The following FHIP1A variants were observed in gnomAD, a reference collection of about 807,000 sequenced individuals.
The protein encoded by FHIP1A is FHF complex subunit HOOK interacting protein 1A, also known as FHF complex subunit HOOK-interacting protein 1A.
FHIP1A carries 61 observed loss-of-function variants against 88.6 expected under a neutral mutation model. The ratio of observed to expected loss-of-function variants is 0.69; its 90% confidence interval spans 0.56 to 0.85. The LOEUF is 0.85. Ranked by LOEUF, FHIP1A falls within the 40% of genes least tolerant of loss-of-function variation. The probability of loss-of-function intolerance (pLI) is 0.00; values close to 1 mark genes in which losing one functional copy is unlikely to be tolerated. For synonymous variants in FHIP1A, 478 were observed against 496.0 expected (o/e 0.96, Z 0.48); for missense variants, 1,154 against 1,273.5 (o/e 0.91, Z 1.43).
intron 3 of FHIP1A, among the ~76,000 whole-genome samples, chr4:151,558,847 A>G (rs929528311): frequency 6.6e-6 from 1 of 152,204 alleles, no homozygotes; most frequent in Admixed American, 6.5e-5. Flanking sequence ...ACAAATTCCT[A>G]GAGCTAGTCA....
chr4:151,490,898 C>T (rs1447207947), intron 3 of FHIP1A, among the ~76,000 whole-genome samples: 2 of 151,968 alleles, frequency 1.3e-5, no homozygotes, highest in Non-Finnish European at 2.9e-5. Context: ...GAAAGAACTT[C>T]AGACCTTGAA....
intron 1 of FHIP1A, 114 bp downstream of exon 1, chr4:151,409,579 G>C (rs1228618833): frequency 2.0e-5 from 3 of 152,748 alleles, no homozygotes; most frequent in African/African-American, 7.2e-5. Flanking sequence ...CTGGGCAGGG[G>C]GTGCGGGCAT....
At chr4:151,521,290 G>C (rs771459145) in intron 3 of FHIP1A, among the ~76,000 whole-genome samples, 11 of 152,078 alleles carry the variant, frequency 7.2e-5, no homozygotes, top group Non-Finnish European at 1.2e-4. Context: ...GGGGAAGGTG[G>C]ATTTTAAGGG....
chr4:151,426,795 A>T (rs1452056498), intron 1 of FHIP1A, among the ~76,000 whole-genome samples: 1 of 152,160 alleles, frequency 6.6e-6, no homozygotes, highest in Non-Finnish European at 1.5e-5. Flanking sequence ...TTGTTTAGGT[A>T]GCCTTACGGT....
At chr4:151,425,612 AGCT>A (rs764610294) in intron 1 of FHIP1A, among the ~76,000 whole-genome samples, 87 of 152,210 alleles carry the variant, frequency 5.7e-4, no homozygotes, top group Non-Finnish European at 1.2e-3. Context: ...AGTTTCTTAC[AGCT>A]GCTATCACAC....
intron 3 of FHIP1A, among the ~76,000 whole-genome samples, chr4:151,496,488 A>T (rs1730465447): frequency 6.6e-6 from 1 of 151,958 alleles, no homozygotes; most frequent in Non-Finnish European, 1.5e-5. Flanking sequence ...AAGAAAGATA[A>T]TGTGTCCCAC....
intron 3 of FHIP1A, among the ~76,000 whole-genome samples, chr4:151,498,291 G>A (rs1730532492): frequency 6.6e-6 from 1 of 152,156 alleles, no homozygotes; most frequent in African/African-American, 2.4e-5. Context: ...ATGAATTCAG[G>A]GACTACCTCT....
rs1729792372 is a variant in FHIP1A, at chr4:151,478,591, A to AGGTATGT, written c.-247-3933_-247-3932insGGTATGT. ...TGAAGTATGTTTCTTGGAGGTTATC[A>AGGTATGT]ATACTAGCTGTGCAAACCAAAGATG... On this transcript the variant is annotated intron_variant, in intron 2 of 13. Coordinates refer to ENST00000435205, the MANE Select transcript of FHIP1A (RefSeq NM_001109977.3). Among the ~76,000 whole-genome samples, 3 of 152,276 alleles carry AGGTATGT rather than the reference A, an allele frequency of 2.0e-5. No individual in the cohort carries two copies. In the South Asian group the frequency reaches 6.2e-4, roughly 32 times the overall value.
rs965333577 is a variant in FHIP1A at position 151,578,115 on chromosome 4, T to G, written c.732+39T>G. ...CTTGGCATGTTTTCCACTCACTCCC[T>G]TTTTTCTCTTCTGTTGCTAGTGATG... is the stretch of plus-strand genomic sequence containing the variant. On this transcript the variant is annotated intron_variant, in intron 5 of 13. Transcript: ENST00000435205. 3.3e-6 allele frequency: 5 copies of G among 1,513,270 alleles called. No homozygotes were observed. The African/African-American group carries it at 4.2e-5, about 13-fold the overall frequency. The allele number at this position is 1,513,270 out of a possible 1,614,324, so 93.7% of individuals were successfully genotyped here. A position where few individuals can be genotyped will look rare whatever the true frequency, so the allele number is the denominator to read the frequency against.
Position 151,566,271 on chromosome 4 carries a change from G to C in FHIP1A, c.12G>C (p.Ser4=). Residue 4 remains serine, a synonymous_variant, in exon 4 of 14, where the codon TCG becomes TCC. Transcript: ENST00000435205. MMS[S]VSTESKLQQA... ...ATTTATGAAGGCTTATGATGTCATC[G>C]GTTTCGACAGAAAGCAAACTCCAGC... 7 of 1,548,478 alleles carry C rather than the reference G, an allele frequency of 4.5e-6. No individual in the cohort carries two copies. The highest frequency in any genetic ancestry group is 6.1e-6 in the Non-Finnish European group (7 of 1,144,486).
At position 151,492,421 on chromosome 4, in the gene FHIP1A, G is replaced by A. The variant is rs1376952978; in HGVS notation, c.-123+9773G>A. ...AGCCTGATCAATATGGTGAAACCCC[G>A]TCTCTACTAAAAATACAAAAATTAG... On this transcript the variant is annotated intron_variant, in intron 3 of 13. Coordinates refer to ENST00000435205, the MANE Select transcript of FHIP1A (RefSeq NM_001109977.3). Among the ~76,000 whole-genome samples, 7 of 151,698 alleles carry A rather than the reference G, an allele frequency of 4.6e-5. No individual in the cohort carries two copies. The East Asian group carries it at 7.7e-4, about 17-fold the overall frequency.
intron 8 of FHIP1A, among the ~76,000 whole-genome samples, chr4:151,637,054 C>T (rs1483248723): frequency 6.6e-6 from 1 of 152,108 alleles, no homozygotes. Context: ...TTCAAGACCA[C>T]TCAGTGGGAG....
chr4:151,493,381 G>A (rs115609998), intron 3 of FHIP1A, among the ~76,000 whole-genome samples: 2 of 152,196 alleles, frequency 1.3e-5, no homozygotes, highest in East Asian at 1.9e-4. Flanking sequence ...ATTTACAGCC[G>A]AATTCTATTA....
intron 4 of FHIP1A, among the ~76,000 whole-genome samples, chr4:151,570,639 C>A: frequency 6.6e-6 from 1 of 152,150 alleles, no homozygotes; most frequent in Non-Finnish European, 1.5e-5. Context: ...ATTAAAATTA[C>A]ATATACAGTA....
At chr4:151,630,091 C>T (rs989085374) in intron 8 of FHIP1A, among the ~76,000 whole-genome samples, 1 of 152,082 alleles carries the variant, frequency 6.6e-6, no homozygotes, top group Non-Finnish European at 1.5e-5. Context: ...AGAGGTGACA[C>T]TTACTGCCTT....
At chr4:151,526,204 A>G (rs565166329) in intron 3 of FHIP1A, among the ~76,000 whole-genome samples, 95 of 150,318 alleles carry the variant, frequency 6.3e-4, no homozygotes, top group Non-Finnish European at 1.2e-3. Context: ...TCTCTTCCCC[A>G]CCCTTCCCCC....
At chr4:151,587,880 G>A (rs1382362977) in intron 6 of FHIP1A, among the ~76,000 whole-genome samples, 1 of 151,646 alleles carries the variant, frequency 6.6e-6, no homozygotes, top group East Asian at 1.9e-4. Flanking sequence ...ACATTTTCTT[G>A]CAGAAGTTTG....
intron 7 of FHIP1A, among the ~76,000 whole-genome samples, chr4:151,615,908 T>C (rs1162731632): frequency 6.6e-6 from 1 of 152,084 alleles, no homozygotes; most frequent in Non-Finnish European, 1.5e-5. Flanking sequence ...GTTTAGATTA[T>C]TGGGAAGTTG....
intron 3 of FHIP1A, among the ~76,000 whole-genome samples, chr4:151,511,296 G>A (rs576711373): frequency 1.3e-5 from 2 of 152,166 alleles, no homozygotes; most frequent in Non-Finnish European, 1.5e-5. Flanking sequence ...ATGCAATCCC[G>A]AGGTGGAGCC....
Sources: gnomAD v4.1 joint callset for allele counts (sites outside exome capture counted in the v4.1 genomes callset) on GRCh38, gnomAD v4.1.1 for gene constraint, MANE v1.5 for transcripts, NCBI Gene and HGNC (gene_info 2026-07-23, HGNC 2026-07-21) for gene names.